Variants in KATNAL2 observed in about 807,000 individuals in gnomAD.
KATNAL2 encodes katanin p60 ATPase-containing subunit A-like 2.
In KATNAL2, 52 loss-of-function variants were observed where a neutral mutation model predicts 76.3. The observed-to-expected ratio is 0.68, with a 90% CI of 0.55 to 0.86. KATNAL2 has a LOEUF of 0.86. KATNAL2 is among the 40% of genes least tolerant of loss of function. The probability of loss-of-function intolerance (pLI) is 0.00; values close to 1 mark genes in which losing one functional copy is unlikely to be tolerated. For missense variants in KATNAL2, 660 were observed against 668.9 expected (o/e 0.99, Z 0.15); for synonymous variants, 243 against 244.2 (o/e 1.00, Z 0.05).
chr18:46,927,458 T>C (rs185284662), intron 1 of KATNAL2, among the ~76,000 whole-genome samples: 1,677 of 152,294 alleles, frequency 0.011, 17 homozygotes, highest in Non-Finnish European at 0.017. Flanking sequence ...ACATCAGCAG[T>C]TAGTCTGATG....
chr18:46,919,047 C>G (rs1385971342), intron 1 of KATNAL2, among the ~76,000 whole-genome samples: 2 of 150,624 alleles, frequency 1.3e-5, no homozygotes, highest in Admixed American at 6.6e-5. Context: ...TATATATACA[C>G]AACACACACA....
chr18:47,084,348 T>G (rs1196271823), intron 15 of KATNAL2: 1 of 702,940 alleles, frequency 1.4e-6, no homozygotes, highest in Non-Finnish European at 2.6e-6. Context: ...CATGCATTTT[T>G]GGGCTCCAGG....
intron 1 of KATNAL2, among the ~76,000 whole-genome samples, chr18:46,927,183 T>C (rs2058754283): frequency 6.6e-6 from 1 of 152,228 alleles, no homozygotes; most frequent in South Asian, 2.1e-4. Context: ...TTAGCCTTGA[T>C]GGTGTTTACA....
intron 1 of KATNAL2, among the ~76,000 whole-genome samples, 159 bp from the exon 2 acceptor site, chr18:46,945,898 G>C (rs1569001085): frequency 6.6e-6 from 1 of 152,180 alleles, no homozygotes; most frequent in Non-Finnish European, 1.5e-5. Flanking sequence ...GACGACTCTG[G>C]AAAGAACTGC....
chr18:47,053,855 TGAAGA>T (rs886124204), intron 5 of KATNAL2, among the ~76,000 whole-genome samples: 6 of 152,316 alleles, frequency 3.9e-5, no homozygotes, highest in African/African-American at 9.6e-5. Context: ...ATGTGGGCCT[TGAAGA>T]GACAGCCCAG....
intron 4 of KATNAL2, among the ~76,000 whole-genome samples, chr18:47,048,543 T>C (rs190301142): frequency 1.3e-5 from 2 of 152,284 alleles, no homozygotes; most frequent in Admixed American, 1.3e-4. Flanking sequence ...TATCTCCACA[T>C]AGCAGTGGGG....
At position 46,917,720 on chromosome 18, in the gene KATNAL2, G is replaced by C. The variant is rs138641733; in HGVS notation, c.-716G>C. The C allele has an allele frequency of 7.5e-3, 2,055 of 272,410 alleles. 43 individuals carry two copies. Among genetic ancestry groups the C allele is most frequent in the African/African-American group, 0.045 (1,960 of 43,756 alleles). The allele number at this position is 272,410 out of a possible 1,614,324, so 16.9% of individuals were successfully genotyped here. ...GGCGGAGGCCCCTGCGGACTGCCTAGAGCTGGGTCGCAACTGAGGCGTTAT... is the reference window on the plus strand; with the variant it reads ...GGCGGAGGCCCCTGCGGACTGCCTACAGCTGGGTCGCAACTGAGGCGTTAT... On this transcript the variant is annotated 5_prime_UTR_variant, in exon 1 of 18. Transcript: ENST00000683218.
Position 47,094,981 on chromosome 18 carries a change from TAGA to T in KATNAL2, c.1212-4255_1212-4253del, listed in dbSNP as rs528494645. Among the ~76,000 whole-genome samples, 7 of 152,252 alleles carry T rather than the reference TAGA, an allele frequency of 4.6e-5. No individual in the cohort carries two copies. The South Asian group carries it at 1.0e-3, about 23-fold the overall frequency. On this transcript the variant is annotated intron_variant, in intron 15 of 17. Coordinates refer to ENST00000683218, the MANE Select transcript of KATNAL2 (RefSeq NM_001387690.1). ...CCAGCCTCACCCTCACCTCTAAAGG[TAGA>T]AGAAGATACTGCCAAGTCTCTTGGG...
At chr18:47,033,888 G>A (rs2060620318) in intron 3 of KATNAL2, 1 of 1,613,638 alleles carries the variant, frequency 6.2e-7, no homozygotes, top group South Asian at 1.1e-5. Context: ...AGAGCTCTGA[G>A]AAGACATGGC....
At position 47,101,190 on chromosome 18, in the gene KATNAL2, TC is replaced by T; in HGVS notation, c.*186del. On this transcript the variant is annotated 3_prime_UTR_variant, in exon 18 of 18. Transcript: ENST00000683218. ...ATTTATTAACTTACCATTATCGATG[TC>T]AGCAAAATATTGAGAGTTTCAGTTA... is the stretch of plus-strand genomic sequence containing the variant. 2 of 621,602 alleles carry T rather than the reference TC, an allele frequency of 3.2e-6. No homozygotes were observed. Among genetic ancestry groups the T allele is most frequent in the Non-Finnish European group, 5.4e-6 (2 of 368,774 alleles). 38.5% of individuals were successfully genotyped at this position (621,602 alleles called of 1,614,324 possible).
intron 1 of KATNAL2, among the ~76,000 whole-genome samples, chr18:46,927,662 T>G (rs1352460401): frequency 2.0e-5 from 3 of 152,216 alleles, no homozygotes; most frequent in Non-Finnish European, 2.9e-5. Flanking sequence ...TTCTCCTGGA[T>G]AATATCCTGC....
chr18:47,063,164 C>G, intron 9 of KATNAL2, 94 bp downstream of exon 9: 1 of 1,440,004 alleles, frequency 6.9e-7, no homozygotes, highest in Non-Finnish European at 9.7e-7. Context: ...ACCTTGAGAT[C>G]AAGTTAAAGG....
chr18:47,049,232 G>A (rs1437594631), intron 4 of KATNAL2, among the ~76,000 whole-genome samples: 1 of 152,204 alleles, frequency 6.6e-6, no homozygotes, highest in African/African-American at 2.4e-5. Context: ...ATGGAGTAAT[G>A]GGGTATAGCT....
chr18:46,958,354 A>T (rs2059826812), intron 3 of KATNAL2, among the ~76,000 whole-genome samples: 1 of 152,140 alleles, frequency 6.6e-6, no homozygotes, highest in African/African-American at 2.4e-5. Flanking sequence ...ATAAATCCTT[A>T]TAATTATAAA....
chr18:47,069,539 T>A lies in KATNAL2; in HGVS notation c.947T>A (p.Phe316Tyr). 6.2e-7 allele frequency: 1 copy of A among 1,614,092 alleles called. No individual in the cohort carries two copies. Among genetic ancestry groups the A allele is most frequent in the Non-Finnish European group, 8.5e-7 (1 of 1,179,976 alleles). Residue 316 changes from phenylalanine to tyrosine, a missense_variant, in exon 13 of 18, where the codon TTT becomes TAT. Physicochemically the swap from Phe to Tyr is conservative, Grantham distance 22. Coordinates refer to ENST00000683218, the MANE Select transcript of KATNAL2 (RefSeq NM_001387690.1). ...AVATECKTTF[F>Y]NISASTIVSK... is the part of the protein sequence containing the mutation. ...GCCACTGAATGTAAAACAACCTTCT[T>A]TAACATTTCTGCATCCACCATTGTC...
At chr18:46,927,502 C>G (rs1481936456) in intron 1 of KATNAL2, among the ~76,000 whole-genome samples, 1 of 152,106 alleles carries the variant, frequency 6.6e-6, no homozygotes, top group Non-Finnish European at 1.5e-5. Flanking sequence ...ACCTTTCTCT[C>G]TGTCTGCCCT....
chr18:47,079,813 T>A (rs988667492), intron 15 of KATNAL2, among the ~76,000 whole-genome samples: 2 of 152,184 alleles, frequency 1.3e-5, no homozygotes, highest in Non-Finnish European at 2.9e-5. Flanking sequence ...TAGATTATAT[T>A]CAGGATCAAT....
At chr18:47,084,483 G>A in intron 15 of KATNAL2, 1 of 691,136 alleles carries the variant, frequency 1.4e-6, no homozygotes, top group Non-Finnish European at 2.6e-6. Context: ...TAGTGGCCTG[G>A]TATGTTCAGG....
intron 1 of KATNAL2, among the ~76,000 whole-genome samples, chr18:46,932,085 G>A (rs2058942510): frequency 6.6e-6 from 1 of 151,744 alleles, no homozygotes; most frequent in South Asian, 2.1e-4. Flanking sequence ...TAATTTTTTT[G>A]TATTTTTAGT....
Sources: allele counts gnomAD v4.1 joint callset (sites outside exome capture counted in the v4.1 genomes callset), GRCh38; gene constraint gnomAD v4.1.1; transcripts MANE v1.5; gene names NCBI Gene and HGNC (gene_info 2026-07-23, HGNC 2026-07-21).